STAT5B: variants seen among roughly 807,000 people sequenced by gnomAD.
STAT5B encodes the protein signal transducer and activator of transcription 5B, also known as transcription factor STAT5B.
A neutral mutation model predicts 107.8 loss-of-function variants in STAT5B; 21 were observed. The ratio of observed to expected loss-of-function variants is 0.19; its 90% CI spans 0.14 to 0.28. The LOEUF (loss-of-function observed/expected upper bound fraction) is 0.28, where lower values mean the gene tolerates loss of function less well. STAT5B is among the 10% of genes least tolerant of loss of function. The pLI is 1.00. For synonymous variants in STAT5B, 325 were observed against 401.7 expected (o/e 0.81, Z 2.28); for missense variants, 565 against 1,008.2 (o/e 0.56, Z 5.95).
the STAT5B span, among the ~76,000 whole-genome samples, chr17:42,281,888 A>G: frequency 6.6e-6 from 1 of 152,232 alleles, no homozygotes; most frequent in Admixed American, 6.5e-5. Flanking sequence ...AGGAGGGAGC[A>G]GAGTGCCACT....
At chr17:42,245,366 G>A (rs768446620) in intron 1 of STAT5B, among the ~76,000 whole-genome samples, 7 of 142,680 alleles carry the variant, frequency 4.9e-5, no homozygotes, top group Non-Finnish European at 7.7e-5. Context: ...GTGAGCTACC[G>A]CGCCTGGCTG....
chr17:42,252,083 TAGA>T (rs1392505761), intron 1 of STAT5B, among the ~76,000 whole-genome samples: 1 of 152,090 alleles, frequency 6.6e-6, no homozygotes, highest in African/African-American at 2.4e-5. Flanking sequence ...AGTTGAATGC[TAGA>T]AGATCATCTG....
intron 12 of STAT5B, among the ~76,000 whole-genome samples, chr17:42,213,623 G>A (rs2080146839): frequency 6.6e-6 from 1 of 151,838 alleles, no homozygotes; most frequent in Admixed American, 6.6e-5. Flanking sequence ...TGCCTCCCAG[G>A]TTCAAGCAAT....
chr17:42,245,944 C>A (rs369573694), intron 1 of STAT5B, among the ~76,000 whole-genome samples: 2 of 152,240 alleles, frequency 1.3e-5, no homozygotes, highest in African/African-American at 4.8e-5. Context: ...CAGATGTGAG[C>A]CATCACACCT....
intron 1 of STAT5B, chr17:42,275,447 G>A (rs539570011): frequency 6.6e-6 from 1 of 152,270 alleles, no homozygotes; most frequent in East Asian, 1.9e-4. Context: ...GGCTACAAGT[G>A]TTTGCAACCG....
chr17:42,272,535 AAG>A (rs1222402869), intron 1 of STAT5B: 1 of 152,210 alleles, frequency 6.6e-6, no homozygotes, highest in Non-Finnish European at 1.5e-5. Flanking sequence ...TTAAACTTTG[AAG>A]AGAGTTGGGA....
At chr17:42,278,578 C>G (rs926510502), upstream of STAT5B, among the ~76,000 whole-genome samples, 6 of 152,124 alleles carry the variant, frequency 3.9e-5, no homozygotes, top group Admixed American at 3.3e-4. Context: ...GGTGTGGTGG[C>G]ACAATCACAG....
intron 1 of STAT5B, among the ~76,000 whole-genome samples, chr17:42,237,062 G>C (rs1418264120): frequency 1.3e-5 from 2 of 152,160 alleles, no homozygotes; most frequent in Non-Finnish European, 2.9e-5. Context: ...CCAAAGATGA[G>C]AACTATTTGA....
chr17:42,263,722 T>C (rs1364329654), intron 1 of STAT5B, among the ~76,000 whole-genome samples: 1 of 152,110 alleles, frequency 6.6e-6, no homozygotes, highest in Non-Finnish European at 1.5e-5. Context: ...AGATAGGGTC[T>C]TGCTATGTTG....
At chr17:42,203,155 G>C (rs1359183766) in intron 16 of STAT5B, among the ~76,000 whole-genome samples, 1 of 152,076 alleles carries the variant, frequency 6.6e-6, no homozygotes, top group Non-Finnish European at 1.5e-5. Flanking sequence ...CACCCAGGCT[G>C]TTTTCTAACT....
intron 1 of STAT5B, among the ~76,000 whole-genome samples, chr17:42,243,047 T>G (rs866772958): frequency 6.6e-6 from 1 of 151,786 alleles, no homozygotes; most frequent in Non-Finnish European, 1.5e-5. Flanking sequence ...CTTGTTTATC[T>G]GCTGACCTTC....
Position 42,212,455 on chromosome 17 carries a change from T to C in STAT5B, c.1474-265A>G, listed in dbSNP as rs1234979447. On this transcript the variant is annotated intron_variant, in intron 12 of 18. Coordinates refer to ENST00000293328, the MANE Select transcript of STAT5B (RefSeq NM_012448.4). ...CTGCTGAACTAACAGTCAAATCCTA[T>C]GTTCTAACGGCCACAAACCAAAACA... Among the ~76,000 whole-genome samples the C allele has an allele frequency of 5.3e-5, 8 of 152,334 alleles. No homozygotes were observed. In the East Asian group the frequency reaches 1.4e-3, roughly 26 times the overall value.
intron 1 of STAT5B, among the ~76,000 whole-genome samples, chr17:42,250,075 A>G (rs1414143001): frequency 6.6e-6 from 1 of 152,212 alleles, no homozygotes; most frequent in African/African-American, 2.4e-5. Context: ...GAAGGAAGGG[A>G]AAATGATGAT....
the STAT5B span, among the ~76,000 whole-genome samples, chr17:42,283,115 G>A: frequency 1.3e-5 from 2 of 152,228 alleles, no homozygotes; most frequent in Non-Finnish European, 2.9e-5. Context: ...ACAACCCCCA[G>A]AGGGCTTGAG....
the STAT5B span, among the ~76,000 whole-genome samples, chr17:42,284,927 G>C: frequency 6.6e-6 from 1 of 152,182 alleles, no homozygotes; most frequent in Non-Finnish European, 1.5e-5. Context: ...TTATTGAAAG[G>C]ATCCGTTGAG....
intron 1 of STAT5B, among the ~76,000 whole-genome samples, chr17:42,243,759 C>T (rs574885305): frequency 1.3e-5 from 2 of 152,336 alleles, no homozygotes; most frequent in Non-Finnish European, 2.9e-5. Context: ...TTGACTCTCA[C>T]TTTGAAACTG....
chr17:42,251,970 G>A (rs1419161543), intron 1 of STAT5B, among the ~76,000 whole-genome samples: 2 of 149,188 alleles, frequency 1.3e-5, no homozygotes, highest in African/African-American at 5.0e-5. Flanking sequence ...CTGCATTCCA[G>A]CCTGGGTGAC....
chr17:42,275,821 G>A (rs2080760212), intron 1 of STAT5B, among the ~76,000 whole-genome samples: 1 of 151,948 alleles, frequency 6.6e-6, no homozygotes, highest in Admixed American at 6.6e-5. Context: ...CGGAGTCCCG[G>A]GAACCTCTTT....
chr17:42,206,867 G>A (rs991109161), intron 16 of STAT5B, among the ~76,000 whole-genome samples: 11 of 137,022 alleles, frequency 8.0e-5, no homozygotes, highest in African/African-American at 3.1e-4. Context: ...GAGCCACCAC[G>A]CCCGACCTTC....
Sources: gnomAD v4.1 joint callset for allele counts (sites outside exome capture counted in the v4.1 genomes callset) on GRCh38, gnomAD v4.1.1 for gene constraint, MANE v1.5 for transcripts, NCBI Gene and HGNC (gene_info 2026-07-23, HGNC 2026-07-21) for gene names.